Variants in ITSN2 observed in about 807,000 individuals in gnomAD.
ITSN2 encodes intersectin-2.
A neutral mutation model predicts 243.7 loss-of-function variants in ITSN2; 156 were observed. That is an observed-to-expected ratio of 0.64 (90% CI 0.56 to 0.73). The LOEUF (loss-of-function observed/expected upper bound fraction) is 0.73. Among genes scored for constraint, ITSN2 ranks in the 30% least tolerant of loss-of-function variants. The pLI is 0.00. For missense variants in ITSN2, 1,801 were observed against 1,996.1 expected, an observed-to-expected ratio of 0.90 and a Z score of 1.86; for synonymous variants, 703 against 699.9, an observed-to-expected ratio of 1.00 and a Z score of -0.07.
Position 24,301,150 on chromosome 2 carries a change from A to G in ITSN2, c.1081+4T>C, listed in dbSNP as rs369419096. On this transcript the variant is annotated splice_donor_region_variant and intron_variant, in intron 11 of 39. Coordinates refer to ENST00000355123, the MANE Select transcript of ITSN2 (RefSeq NM_006277.3). Reference sequence around the variant, plus strand: ...AAATATACAACTTTGACACTCAGTGATACCTGGTAATTTCTTCTGAGGCTC... The same window carrying G: ...AAATATACAACTTTGACACTCAGTGGTACCTGGTAATTTCTTCTGAGGCTC... The G allele has an allele frequency of 5.9e-5, 91 of 1,548,230 alleles. No homozygotes were observed. Among genetic ancestry groups the G allele is most frequent in the Non-Finnish European group, 8.1e-5 (91 of 1,124,314 alleles).
chr2:24,221,927 T>TTTCGCC (rs1471738139), intron 29 of ITSN2, among the ~76,000 whole-genome samples: 5 of 152,106 alleles, frequency 3.3e-5, no homozygotes, highest in African/African-American at 1.2e-4. Context: ...TGTGGCGAAA[T>TTTCGCC]ACCTCAGGAA....
chr2:24,341,031 A>G (rs1687000210), intron 1 of ITSN2, among the ~76,000 whole-genome samples: 1 of 152,222 alleles, frequency 6.6e-6, no homozygotes, highest in African/African-American at 2.4e-5. Context: ...GCAATGGAGA[A>G]GAGGTATTTC....
At chr2:24,343,562 G>T (rs971692912) in intron 1 of ITSN2, among the ~76,000 whole-genome samples, 20 of 152,072 alleles carry the variant, frequency 1.3e-4, no homozygotes, top group African/African-American at 4.8e-4. Context: ...TGTAAATATA[G>T]GTCTGTGGAC....
rs955431908 is a variant in ITSN2, at chr2:24,279,726, CTTTTTTT to C, written c.1945-3884_1945-3878del. ...TCACTGCTAAAGATGTGTGAATTTT[CTTTTTTT>C]TTTTTTTTTTTTTTTTTGAGACGGA... On this transcript the variant is annotated intron_variant, in intron 17 of 39. Coordinates refer to ENST00000355123, the MANE Select transcript of ITSN2 (RefSeq NM_006277.3). 1.5e-3 allele frequency among the ~76,000 whole-genome samples: 117 copies of C among 78,246 alleles called. 2 individuals carry two copies. The South Asian group carries it at 0.039, about 26-fold the overall frequency. The allele number at this position is 78,246 out of a possible 152,430, so 51.3% of individuals were successfully genotyped here.
chr2:24,361,330 C>G (rs190053884), upstream of ITSN2, among the ~76,000 whole-genome samples: 1 of 152,274 alleles, frequency 6.6e-6, no homozygotes, highest in East Asian at 1.9e-4. Flanking sequence ...GACTTCAACT[C>G]AAGCCGCCAC....
At chr2:24,255,509 TC>T (rs1260253955) in intron 23 of ITSN2, among the ~76,000 whole-genome samples, 1 of 151,786 alleles carries the variant, frequency 6.6e-6, no homozygotes, top group Non-Finnish European at 1.5e-5. Context: ...ATTCCTGTAA[TC>T]CCAGTTACTT....
In ITSN2 at chr2:24,246,272, T is replaced by C; in HGVS notation, c.3434A>G (p.Glu1145Gly). The stretch of plus-strand genomic sequence containing the variant: ...GAGTTGTCCCTTGGAGAAACTGAGC[T>C]CATCTTCATTATTTGCTGCATAGTC... ...MYDYAANNEDELSFSKGQLIN... is the reference protein window; with the variant it reads ...MYDYAANNEDGLSFSKGQLIN... The change falls in exon 29 of 40, where the codon GAG becomes GGG. Residue 1145 changes from glutamate (E) to glycine (G), a missense_variant. Around this residue, in one of 5 missense-constraint regions of ITSN2, gnomAD observed 928 missense variants for 1,065.4 expected, o/e 0.87. Transcript: ENST00000355123. 1 of 1,612,770 alleles carries C rather than the reference T, an allele frequency of 6.2e-7. No homozygotes were observed. Among genetic ancestry groups the C allele is most frequent in the Non-Finnish European group, 8.5e-7 (1 of 1,178,970 alleles).
chr2:24,302,959 C>CTAT (rs1212080798), intron 9 of ITSN2, among the ~76,000 whole-genome samples: 1 of 152,166 alleles, frequency 6.6e-6, no homozygotes, highest in African/African-American at 2.4e-5. Flanking sequence ...GACACTGTAG[C>CTAT]TGTCATAAAG....
Position 24,313,461 on chromosome 2 carries a change from A to G in ITSN2, c.187T>C (p.Trp63Arg). The G allele has an allele frequency of 1.2e-6, 2 of 1,612,540 alleles. No individual in the cohort carries two copies. The highest frequency in any genetic ancestry group is 1.7e-4 in the Middle Eastern group (1 of 5,920). The stretch of plus-strand genomic sequence containing the variant: ...AGGTTCATCTACAAAACACTTTACC[A>G]TATTTCAGCTAAAACAGGGGCCGGC... ...GLPAPVLAEI[W>R]ALSDLNKDGK... Residue 63 changes from tryptophan to arginine, a missense_variant and splice_region_variant, in exon 4 of 40, where the codon TGG becomes CGG. Physicochemically the swap from Trp to Arg is moderately radical, Grantham distance 101. Around this residue, in one of 5 missense-constraint regions of ITSN2, gnomAD observed 77 missense variants for 90.1 expected, o/e 0.85. Transcript: ENST00000355123.
intron 37 of ITSN2, among the ~76,000 whole-genome samples, chr2:24,207,891 G>A (rs1669069788): frequency 6.6e-6 from 1 of 151,886 alleles, no homozygotes; most frequent in South Asian, 2.1e-4. Context: ...GGAGCTGAAG[G>A]GAGACAGACC....
chr2:24,349,639 T>G (rs961767476), intron 1 of ITSN2, among the ~76,000 whole-genome samples: 11 of 152,146 alleles, frequency 7.2e-5, no homozygotes, highest in Admixed American at 5.9e-4. Context: ...CCCAAACTAT[T>G]TTTTTAAAGG....
At position 24,216,860 on chromosome 2, in the gene ITSN2, T is replaced by C. The variant is rs374902304; in HGVS notation, c.3807-628A>G. Among the ~76,000 whole-genome samples the C allele has an allele frequency of 5.2e-4, 79 of 152,146 alleles. 1 individual carries two copies. In the South Asian group the frequency reaches 0.016, roughly 30 times the overall value. ...CAGCACTTTGAGAGGCTGAGGTGGG[T>C]GGATCACGAGGTCAGGAGATTGAGA... On this transcript the variant is annotated intron_variant, in intron 31 of 39. Coordinates refer to ENST00000355123, the MANE Select transcript of ITSN2 (RefSeq NM_006277.3).
At position 24,211,441 on chromosome 2, in the gene ITSN2, C is replaced by T. The variant is rs1263241727; in HGVS notation, c.4090-494G>A. On this transcript the variant is annotated intron_variant, in intron 33 of 39. Coordinates refer to ENST00000355123, the MANE Select transcript of ITSN2 (RefSeq NM_006277.3). The surrounding 1 kb of genome is among the most constrained non-coding windows in gnomAD (Gnocchi z 4.1). ...AAATACAATAAAATCACATTGTCAG[C>T]ATGTGGAAGAAATGCATTCTGTTCA... Among the ~76,000 whole-genome samples the T allele has an allele frequency of 1.3e-5, 2 of 152,200 alleles. No individual in the cohort carries two copies. Among genetic ancestry groups the T allele is most frequent in the Non-Finnish European group, 2.9e-5 (2 of 68,040 alleles).
At chr2:24,310,748 T>A in intron 5 of ITSN2, 56 bp from the exon 6 acceptor site, 17 of 1,442,796 alleles carry the variant, frequency 1.2e-5, no homozygotes, top group Middle Eastern at 1.8e-4. Flanking sequence ...ATAAAACACA[T>A]GCAAAAAACA....
chr2:24,210,571 C>T (rs1476830337), intron 34 of ITSN2, among the ~76,000 whole-genome samples: 1 of 148,910 alleles, frequency 6.7e-6, no homozygotes, highest in African/African-American at 2.5e-5. Flanking sequence ...GAGATGATCT[C>T]GCCACTGCAC....
intron 1 of ITSN2, among the ~76,000 whole-genome samples, chr2:24,339,794 C>T (rs933410969): frequency 6.6e-6 from 1 of 151,602 alleles, no homozygotes; most frequent in African/African-American, 2.4e-5. Flanking sequence ...TGGGAGGCCA[C>T]AGTGGGAGGA....
chr2:24,296,672 T>C (rs1681006285), intron 13 of ITSN2, among the ~76,000 whole-genome samples: 1 of 152,208 alleles, frequency 6.6e-6, no homozygotes, highest in Non-Finnish European at 1.5e-5. Context: ...ACCTTGGTCT[T>C]AGATCTTAGG....
rs760514011 is a variant in ITSN2, at chr2:24,310,532, G to A, written c.513C>T (p.Thr171=). 26 of 1,614,008 alleles carry A rather than the reference G, an allele frequency of 1.6e-5. No homozygotes were observed. Among genetic ancestry groups the A allele is most frequent in the Admixed American group, 1.3e-4 (8 of 59,984 alleles). ...TGGGTAAAGGCTGAATGAGACTGGC[G>A]GTTCCATTTGGTAATGATGATGTGC... ...SVSTSSLPNG[T]ASLIQPLPIP... is the part of the protein sequence containing the mutation. Residue 171 remains threonine (T), a synonymous_variant, in exon 6 of 40, where the codon ACC becomes ACT. Transcript: ENST00000355123.
Position 24,210,796 on chromosome 2 carries a change from C to G in ITSN2, c.4241G>C (p.Cys1414Ser). 1.9e-6 allele frequency: 3 copies of G among 1,613,974 alleles called. No homozygotes were observed. The highest frequency in any genetic ancestry group is 2.5e-6 in the Non-Finnish European group (3 of 1,179,942). The change falls in exon 34 of 40, where the codon TGT (cysteine) becomes TCT (serine). Residue 1414 changes from cysteine to serine, a missense_variant. Coordinates refer to ENST00000355123, the MANE Select transcript of ITSN2 (RefSeq NM_006277.3). ...AGGCCTGACCTCCGCGAGGCCTTCA[C>G]ACTGCACGTGCGCCTGGATCCACTC... ...RLEWIQAHVQ[C>S]EGLAEQLIFN...
Sources: gnomAD v4.1 joint callset for allele counts (sites outside exome capture counted in the v4.1 genomes callset) on GRCh38, gnomAD v4.1.1 for gene constraint, gnomAD v4.1.1 regional missense constraint, Gnocchi (gnomAD v3.1) non-coding constraint, MANE v1.5 for transcripts, NCBI Gene and HGNC (gene_info 2026-07-23, HGNC 2026-07-21) for gene names.